CSMD1: variants seen among roughly 807,000 people sequenced by gnomAD.
The protein encoded by CSMD1 is CUB and Sushi multiple domains 1, also known as CUB and sushi domain-containing protein 1.
Under a neutral mutation model 417.5 loss-of-function variants are expected in CSMD1, and 213 were observed. The observed-to-expected ratio is 0.51, with a 90% CI of 0.46 to 0.57. CSMD1 has a LOEUF of 0.57. Ranked by LOEUF, CSMD1 falls within the 20% of genes least tolerant of loss-of-function variation. CSMD1 has a pLI of 0.00. For missense variants in CSMD1, 6,923 were observed against 4,529.7 expected, an observed-to-expected ratio of 1.53 and a Z score of -15.17; for synonymous variants, 2,862 against 1,736.8, an observed-to-expected ratio of 1.65 and a Z score of -16.11.
At chr8:3,334,981 T>C (rs1293253882) in intron 23 of CSMD1, among the ~76,000 whole-genome samples, 1 of 152,194 alleles carries the variant, frequency 6.6e-6, no homozygotes, top group Admixed American at 6.5e-5. Context: ...CTTGTAATAA[T>C]GCTCCCCTGA....
intron 8 of CSMD1, among the ~76,000 whole-genome samples, chr8:3,606,778 T>G (rs1801639251): frequency 6.6e-6 from 1 of 151,550 alleles, no homozygotes; most frequent in African/African-American, 2.4e-5. Context: ...TGGCGTGATC[T>G]CCACTCAGCG....
intron 1 of CSMD1, among the ~76,000 whole-genome samples, chr8:4,702,511 A>G (rs1389894554): frequency 6.6e-6 from 1 of 152,184 alleles, no homozygotes; most frequent in Non-Finnish European, 1.5e-5. Context: ...CAGGGAAAAT[A>G]AAAATATTTA....
At chr8:3,268,167 G>A (rs1372151741) in intron 26 of CSMD1, among the ~76,000 whole-genome samples, 1 of 151,824 alleles carries the variant, frequency 6.6e-6, no homozygotes, top group Non-Finnish European at 1.5e-5. Flanking sequence ...ATGAATGAAT[G>A]AATGAGTGAA....
At position 4,498,205 on chromosome 8, in the gene CSMD1, G is replaced by T. The variant is rs934970858; in HGVS notation, c.303-78140C>A. Among the ~76,000 whole-genome samples the T allele has an allele frequency of 4.6e-5, 7 of 152,232 alleles. No individual in the cohort carries two copies. The South Asian group carries it at 1.0e-3, about 23-fold the overall frequency. Reference sequence around the variant, plus strand: ...AATGCTAACCCAATGCTTAGCAGACGGGGTTGAACGATGATTGTTGGCTGA... The same window carrying T: ...AATGCTAACCCAATGCTTAGCAGACTGGGTTGAACGATGATTGTTGGCTGA... On this transcript the variant is annotated intron_variant, in intron 2 of 69. Coordinates refer to ENST00000635120, the MANE Select transcript of CSMD1 (RefSeq NM_033225.6).
chr8:3,729,945 A>C (rs1262475378), intron 6 of CSMD1, among the ~76,000 whole-genome samples: 4 of 19,518 alleles, frequency 2.0e-4, no homozygotes, highest in Middle Eastern at 0.038. Flanking sequence ...AAAAAAAAAA[A>C]AAAAAAAAAA....
intron 3 of CSMD1, among the ~76,000 whole-genome samples, chr8:4,171,969 C>A (rs959325561): frequency 6.6e-6 from 1 of 152,102 alleles, no homozygotes; most frequent in Non-Finnish European, 1.5e-5. Flanking sequence ...ATGTAATAAT[C>A]AGCATCCTTC....
intron 29 of CSMD1, 124 bp downstream of exon 29, chr8:3,219,131 C>G (rs1798055732): frequency 1.4e-6 from 1 of 714,458 alleles, no homozygotes; most frequent in East Asian, 2.9e-5. Context: ...TCTTCCCAGA[C>G]AGAGGAGACA....
intron 11 of CSMD1, among the ~76,000 whole-genome samples, chr8:3,479,648 A>C (rs1333571558): frequency 3.9e-5 from 6 of 152,194 alleles, no homozygotes; most frequent in Non-Finnish European, 5.9e-5. Flanking sequence ...CTTTTTCATC[A>C]ATCTCATAAA....
intron 3 of CSMD1, among the ~76,000 whole-genome samples, chr8:4,287,680 TTATTAC>T (rs891560018): frequency 8.0e-4 from 120 of 149,940 alleles, no homozygotes; most frequent in South Asian, 2.6e-3. Flanking sequence ...ATTATTATTA[TTATTAC>T]TACTACTTTG....
chr8:4,183,866 G>C (rs1798516293), intron 3 of CSMD1, among the ~76,000 whole-genome samples: 1 of 152,146 alleles, frequency 6.6e-6, no homozygotes, highest in African/African-American at 2.4e-5. Flanking sequence ...AACACTCAGT[G>C]AGTTTTTTAG....
intron 1 of CSMD1, among the ~76,000 whole-genome samples, chr8:4,733,759 G>C (rs1252557777): frequency 6.6e-6 from 1 of 152,096 alleles, no homozygotes; most frequent in Non-Finnish European, 1.5e-5. Context: ...GGTAAACAAA[G>C]AAACAAACTT....
chr8:3,805,802 G>A (rs1216748313), intron 5 of CSMD1, among the ~76,000 whole-genome samples: 1 of 151,984 alleles, frequency 6.6e-6, no homozygotes, highest in Non-Finnish European at 1.5e-5. Flanking sequence ...CATTCACTCT[G>A]TGCAGAATTA....
At chr8:4,486,355 G>T (rs1186137380) in intron 2 of CSMD1, among the ~76,000 whole-genome samples, 1 of 149,288 alleles carries the variant, frequency 6.7e-6, no homozygotes, top group African/African-American at 2.5e-5. Context: ...ATTCTACCAG[G>T]TTGCATCTTA....
intron 1 of CSMD1, among the ~76,000 whole-genome samples, chr8:4,756,264 T>A (rs990588195): frequency 3.3e-5 from 5 of 152,198 alleles, no homozygotes; most frequent in Non-Finnish European, 5.9e-5. Context: ...AGAGCTAGTA[T>A]AAAATCACAT....
At chr8:4,461,866 G>A (rs925182352) in intron 2 of CSMD1, among the ~76,000 whole-genome samples, 5 of 149,990 alleles carry the variant, frequency 3.3e-5, no homozygotes, top group South Asian at 2.1e-4. Context: ...TCAGCCTCCC[G>A]AGTAGCTCGG....
intron 1 of CSMD1, among the ~76,000 whole-genome samples, chr8:4,766,137 G>C (rs545155683): frequency 8.5e-5 from 13 of 152,152 alleles, no homozygotes; most frequent in Non-Finnish European, 1.9e-4. Context: ...TTGATAAAAT[G>C]TACAATGCTT....
At chr8:4,697,650 T>G (rs1040485832) in intron 1 of CSMD1, among the ~76,000 whole-genome samples, 1 of 152,170 alleles carries the variant, frequency 6.6e-6, no homozygotes, top group Non-Finnish European at 1.5e-5. Context: ...GGGACTGATA[T>G]TAGTTGCTGG....
At chr8:3,303,371 G>T (rs555332401) in intron 25 of CSMD1, among the ~76,000 whole-genome samples, 35 of 152,268 alleles carry the variant, frequency 2.3e-4, no homozygotes, top group African/African-American at 8.2e-4. Context: ...GATGCCACTA[G>T]AAAGAAAATC....
intron 3 of CSMD1, among the ~76,000 whole-genome samples, chr8:4,169,636 G>A (rs1250916212): frequency 3.3e-5 from 5 of 152,118 alleles, no homozygotes; most frequent in South Asian, 2.1e-4. Context: ...GTCCCTTGCT[G>A]CTGCAGGGAC....
Sources: allele counts gnomAD v4.1 joint callset (sites outside exome capture counted in the v4.1 genomes callset), GRCh38; gene constraint gnomAD v4.1.1; transcripts MANE v1.5; gene names NCBI Gene and HGNC (gene_info 2026-07-23, HGNC 2026-07-21).